OXLD1: variants seen among roughly 807,000 people sequenced by gnomAD.
The protein encoded by OXLD1 is oxidoreductase like domain containing 1.
Under a neutral mutation model 3.1 loss-of-function variants are expected in OXLD1, and 4 were observed. That is an observed-to-expected ratio of 1.28 (90% CI 0.63 to 2.92). The LOEUF (loss-of-function observed/expected upper bound fraction) is 2.92. Among genes scored for constraint, OXLD1 ranks in the 30% most tolerant of loss-of-function variants. The pLI, the probability that OXLD1 is intolerant of heterozygous loss-of-function variation, is 0.01. For synonymous variants in OXLD1, 100 were observed against 87.0 expected (o/e 1.15, Z -0.83); for missense variants, 240 against 204.6 (o/e 1.17, Z -1.05).
chr17:81,665,102 T>A lies in OXLD1; in HGVS notation c.*99A>T. The A allele has an allele frequency of 7.3e-7, 1 of 1,371,756 alleles. No homozygotes were observed. The highest frequency in any genetic ancestry group is 1.4e-5 in the South Asian group (1 of 69,964). The allele number at this position is 1,371,756 out of a possible 1,614,324, so 85.0% of individuals were successfully genotyped here. On this transcript the variant is annotated 3_prime_UTR_variant, in exon 2 of 2. Transcript: ENST00000374741. Reference sequence around the variant, plus strand: ...GAAGTCAGTAACTAATTCTTCCTATTCCCGTTGGACACAAGGAGTCTGTGA... The same window carrying A: ...GAAGTCAGTAACTAATTCTTCCTATACCCGTTGGACACAAGGAGTCTGTGA...
chr17:81,665,971 A>G (rs2036605242), intron 1 of OXLD1: 1 of 373,526 alleles, frequency 2.7e-6, no homozygotes, highest in Non-Finnish European at 4.8e-6. Context: ...CAGTATAACC[A>G]AGCCCCACCA....
At position 81,665,388 on chromosome 17, in the gene OXLD1, G is replaced by C; in HGVS notation, c.257C>G (p.Pro86Arg). The change falls in exon 2 of 2, where the codon CCG becomes CGG. Residue 86 changes from proline to arginine, a missense_variant. By Grantham distance (103) the Pro-to-Arg change is moderately radical (BLOSUM62 -2). Transcript: ENST00000374741. ...GCCACTCATGCAGCAGTTTGTGGGC[G>C]GCTGGAGCTCAGGTGGCAGCGATGC... ...PKASLPPELQPPTNCCMSGCP... is the reference protein window; with the variant it reads ...PKASLPPELQRPTNCCMSGCP... The C allele has an allele frequency of 6.2e-7, 1 of 1,613,598 alleles. No homozygotes were observed. The highest frequency in any genetic ancestry group is 8.5e-7 in the Non-Finnish European group (1 of 1,180,028).
chr17:81,665,084 G>T lies in OXLD1; in HGVS notation c.*117C>A. The T allele has an allele frequency of 1.5e-6, 2 of 1,293,202 alleles. No individual in the cohort carries two copies. The highest frequency in any genetic ancestry group is 2.4e-5 in the East Asian group (1 of 41,198). The allele number at this position is 1,293,202 out of a possible 1,614,324, so 80.1% of individuals were successfully genotyped here. A position where few individuals can be genotyped will look rare whatever the true frequency, so the allele number is the denominator to read the frequency against. ...TTTATTTTTTTCTCAGGTGAAGTCA[G>T]TAACTAATTCTTCCTATTCCCGTTG... On this transcript the variant is annotated 3_prime_UTR_variant, in exon 2 of 2. Coordinates refer to ENST00000374741, the MANE Select transcript of OXLD1 (RefSeq NM_001039842.3).
chr17:81,665,051 A>G lies in OXLD1; in HGVS notation c.*150T>C. ...AACAAAAACCTCCTGTGAAACCACCATAGAGAATTTATTTTTTTCTCAGGT... is the reference window on the plus strand; with the variant it reads ...AACAAAAACCTCCTGTGAAACCACCGTAGAGAATTTATTTTTTTCTCAGGT... On this transcript the variant is annotated 3_prime_UTR_variant, in exon 2 of 2. Transcript: ENST00000374741. The G allele has an allele frequency of 1.8e-6, 2 of 1,099,314 alleles. No homozygotes were observed. Among genetic ancestry groups the G allele is most frequent in the African/African-American group, 1.6e-5 (1 of 63,304 alleles). 68.1% of individuals were successfully genotyped at this position (1,099,314 alleles called of 1,614,324 possible).
intron 1 of OXLD1, 145 bp downstream of exon 1, chr17:81,666,373 C>T: frequency 2.1e-6 from 2 of 946,282 alleles, no homozygotes; most frequent in Non-Finnish European, 3.0e-6. Context: ...AGGGGTCCTT[C>T]GGCGGCGGCC....
Position 81,665,211 on chromosome 17 carries a change from C to A in OXLD1, c.434G>T (p.Cys145Phe), listed in dbSNP as rs763982616. The A allele has an allele frequency of 2.7e-5, 43 of 1,609,900 alleles. No homozygotes were observed. The Middle Eastern group carries it at 1.2e-3, about 43-fold the overall frequency. Residue 145 changes from cysteine to phenylalanine, a missense_variant, in exon 2 of 2, where the codon TGC becomes TTC. Transcript: ENST00000374741. ...LRMEIRLHTR[C>F]GG ...TCCAGCAGGGATGGCTCAGCCTCCG[C>A]ACCTGGTGTGCAGCCGGATCTCCAT...
chr17:81,666,372 T>C, intron 1 of OXLD1, 146 bp downstream of exon 1: 1 of 943,370 alleles, frequency 1.1e-6, no homozygotes, highest in Non-Finnish European at 1.5e-6. Context: ...GAGGGGTCCT[T>C]CGGCGGCGGC....
chr17:81,666,454 G>T (rs1312647774), intron 1 of OXLD1, 64 bp downstream of exon 1: 1 of 1,505,726 alleles, frequency 6.6e-7, no homozygotes, highest in Non-Finnish European at 8.9e-7. Context: ...GTACGTGCGG[G>T]CCCCCGGACA....
rs573397609 is a variant in OXLD1, at chr17:81,665,208, C to T, written c.437G>A (p.Gly146Glu). The T allele has an allele frequency of 1.4e-4, 222 of 1,608,900 alleles. 6 individuals are homozygous for T. In the South Asian group the frequency reaches 2.4e-3, roughly 17 times the overall value. The change falls in exon 2 of 2, where the codon GGA becomes GAA. Residue 146 changes from glycine (G) to glutamate (E), a missense_variant. By Grantham distance (98) the Gly-to-Glu change is moderately conservative (BLOSUM62 -2). Transcript: ENST00000374741. The stretch of plus-strand genomic sequence containing the variant: ...GAGTCCAGCAGGGATGGCTCAGCCT[C>T]CGCACCTGGTGTGCAGCCGGATCTC... The part of the protein sequence containing the change: ...RMEIRLHTRC[G>E]G
chr17:81,666,488 G>C, intron 1 of OXLD1, 30 bp downstream of exon 1: 1 of 1,529,102 alleles, frequency 6.5e-7, no homozygotes, highest in Non-Finnish European at 8.7e-7. Context: ...CGTGCCCTTC[G>C]GCGCTGCCAA....
intron 1 of OXLD1, 28 bp downstream of exon 1, chr17:81,666,490 C>T: frequency 1.3e-6 from 2 of 1,530,144 alleles, no homozygotes; most frequent in Admixed American, 2.0e-5. Context: ...TGCCCTTCGG[C>T]GCTGCCAAGA....
intron 1 of OXLD1, 105 bp downstream of exon 1, chr17:81,666,413 C>T: frequency 1.5e-6 from 2 of 1,361,816 alleles, no homozygotes; most frequent in Non-Finnish European, 2.0e-6. Context: ...TCCGTCCCCA[C>T]ATGCGGGTGG....
Position 81,666,591 on chromosome 17 carries a change from G to C in OXLD1, c.-14C>G, listed in dbSNP as rs1346231804. Reference sequence around the variant, plus strand: ...CCGCAGCAGCATCGCCCGCGGACGGGATCCGGCAACCCCTGACCGTGAGCG... The same window carrying C: ...CCGCAGCAGCATCGCCCGCGGACGGCATCCGGCAACCCCTGACCGTGAGCG... On this transcript the variant is annotated 5_prime_UTR_variant, in exon 1 of 2. In the 5' UTR this introduces an upstream ATG that the reference lacks. Coordinates refer to ENST00000374741, the MANE Select transcript of OXLD1 (RefSeq NM_001039842.3). 4.2e-6 allele frequency: 6 copies of C among 1,445,180 alleles called. No homozygotes were observed. The highest frequency in any genetic ancestry group is 5.4e-6 in the Non-Finnish European group (6 of 1,101,410). The allele number at this position is 1,445,180 out of a possible 1,614,324, so 89.5% of individuals were successfully genotyped here. A position where few individuals can be genotyped will look rare whatever the true frequency, so the allele number is the denominator to read the frequency against.
chr17:81,666,385 G>C, intron 1 of OXLD1, 133 bp downstream of exon 1: 1 of 1,106,360 alleles, frequency 9.0e-7, no homozygotes, highest in Non-Finnish European at 1.2e-6. Context: ...GCGGCGGCCA[G>C]CGCGCGATCC....
intron 1 of OXLD1, 117 bp downstream of exon 1, chr17:81,666,401 G>T: frequency 1.6e-6 from 2 of 1,278,872 alleles, no homozygotes; most frequent in Non-Finnish European, 2.1e-6. Flanking sequence ...GATCCTCCCG[G>T]CTCCGTCCCC....
Position 81,666,543 on chromosome 17 carries a change from G to C in OXLD1, c.35C>G (p.Ala12Gly). 6.6e-7 allele frequency: 1 copy of C among 1,518,824 alleles called. No homozygotes were observed. Among genetic ancestry groups the C allele is most frequent in the African/African-American group, 1.4e-5 (1 of 69,926 alleles). 94.1% of individuals were successfully genotyped at this position (1,518,824 alleles called of 1,614,324 possible). The change falls in exon 1 of 2, where the codon GCG becomes GGG. Residue 12 changes from alanine to glycine, a missense_variant. Physicochemically the swap from Ala to Gly is moderately conservative, Grantham distance 60 (BLOSUM62 0). Transcript: ENST00000374741. ...CGAGCCACGGACCGCGGCGGCTACC[G>C]CCCGGCCTCCCTCGACCACCCTCCG... ...LLRRVVEGGR[A>G]VAAAVRGSGA...
intron 1 of OXLD1, chr17:81,665,956 T>G: frequency 2.6e-6 from 1 of 378,282 alleles, no homozygotes. Flanking sequence ...GCCCAGCACC[T>G]CTACCAGTAT....
chr17:81,666,417 C>T, intron 1 of OXLD1, 101 bp downstream of exon 1: 9 of 1,380,062 alleles, frequency 6.5e-6, no homozygotes, highest in Middle Eastern at 2.0e-4. Context: ...TCCCCACATG[C>T]GGGTGGAGGG....
chr17:81,665,947 C>G (rs1222764060), intron 1 of OXLD1: 2 of 381,362 alleles, frequency 5.2e-6, no homozygotes, highest in East Asian at 8.5e-5. Context: ...TCCTGGCCAG[C>G]CCAGCACCTC....
Sources: allele counts gnomAD v4.1 joint callset, GRCh38; gene constraint gnomAD v4.1.1; transcripts MANE v1.5; gene names NCBI Gene and HGNC (gene_info 2026-07-23, HGNC 2026-07-21).